CCDC50: variants seen among roughly 807,000 people sequenced by gnomAD.
The protein encoded by CCDC50 is coiled-coil domain containing 50, also known as coiled-coil domain-containing protein 50.
A neutral mutation model predicts 70.2 loss-of-function variants in CCDC50; 54 were observed. The observed-to-expected ratio is 0.77, with a 90% CI of 0.62 to 0.96. CCDC50 has a LOEUF of 0.96. Among genes scored for constraint, CCDC50 ranks in the 50% least tolerant of loss-of-function variants. The pLI is 0.00. For missense variants in CCDC50, 558 were observed against 578.7 expected (o/e 0.96, Z 0.37); for synonymous variants, 216 against 198.8 (o/e 1.09, Z -0.73).
At chr3:191,344,831 G>A (rs139827458) in intron 1 of CCDC50, among the ~76,000 whole-genome samples, 246 of 152,228 alleles carry the variant, frequency 1.6e-3, no homozygotes, top group African/African-American at 5.7e-3. Flanking sequence ...TGCCCACCTC[G>A]GCATCCCAAA....
At chr3:191,329,786 G>T (rs918643452) in intron 1 of CCDC50, 63 bp downstream of exon 1, 1 of 1,554,192 alleles carries the variant, frequency 6.4e-7, no homozygotes. Context: ...GTTCTCTCAG[G>T]TCAGGGGCGT....
At chr3:191,353,219 A>G (rs571058876) in intron 1 of CCDC50, among the ~76,000 whole-genome samples, 1 of 142,308 alleles carries the variant, frequency 7.0e-6, no homozygotes, top group African/African-American at 2.5e-5. Flanking sequence ...GGCAGAGGGG[A>G]GAGCCTACGG....
chr3:191,382,866 T>C (rs2108671091), intron 10 of CCDC50, 41 bp downstream of exon 10: 1 of 1,430,236 alleles, frequency 7.0e-7, no homozygotes, highest in Non-Finnish European at 9.9e-7. Flanking sequence ...AAGTTGACTT[T>C]GGGGTGAATA....
rs1713367021 is a variant in CCDC50, at chr3:191,382,828, A to G, written c.1322+3A>G. On this transcript the variant is annotated splice_donor_region_variant and intron_variant, in intron 10 of 11. Coordinates refer to ENST00000392455, the MANE Select transcript of CCDC50 (RefSeq NM_178335.3). ...TCTAAGAATGAAAGGCCAGCACGGTAAGCTGACACCTGAAAAGAAAAATGA... is the reference window on the plus strand; with the variant it reads ...TCTAAGAATGAAAGGCCAGCACGGTGAGCTGACACCTGAAAAGAAAAATGA... 6.2e-7 allele frequency: 1 copy of G among 1,605,606 alleles called. No homozygotes were observed. Among genetic ancestry groups the G allele is most frequent in the Non-Finnish European group, 8.5e-7 (1 of 1,172,660 alleles).
chr3:191,334,145 G>A (rs1718070392), intron 1 of CCDC50, among the ~76,000 whole-genome samples: 1 of 152,002 alleles, frequency 6.6e-6, no homozygotes, highest in African/African-American at 2.4e-5. Context: ...TATCTGCTGT[G>A]TGCCACATGT....
rs759254309 is a variant in CCDC50, at chr3:191,357,122, C to T, written c.84C>T (p.Thr28=). 6 of 1,613,656 alleles carry T rather than the reference C, an allele frequency of 3.7e-6. No individual in the cohort carries two copies. In the Admixed American group the frequency reaches 8.3e-5, roughly 22 times the overall value. The change falls in exon 2 of 12, where the codon ACC becomes ACT. Residue 28 remains threonine (T), a synonymous_variant. Transcript: ENST00000392455. The part of the protein sequence containing the change: ...CRDFAVLEDH[T]LAHSLQEQEI... ...ATTTTGCTGTCCTGGAGGACCACACCCTGGCTCACAGCCTGCAGGAACAAG... is the reference window on the plus strand; with the variant it reads ...ATTTTGCTGTCCTGGAGGACCACACTCTGGCTCACAGCCTGCAGGAACAAG...
At chr3:191,375,953 A>G (rs980310819) in intron 6 of CCDC50, among the ~76,000 whole-genome samples, 7 of 152,178 alleles carry the variant, frequency 4.6e-5, no homozygotes, top group African/African-American at 1.7e-4. Flanking sequence ...CAGTGAACCC[A>G]GAAGAGCTGA....
At chr3:191,364,570 T>A (rs1426711261) in intron 4 of CCDC50, among the ~76,000 whole-genome samples, 33 of 150,612 alleles carry the variant, frequency 2.2e-4, no homozygotes, top group Admixed American at 2.1e-3. Context: ...CTGAGAACCC[T>A]TTTCTCTTGG....
intron 5 of CCDC50, among the ~76,000 whole-genome samples, 184 bp from the exon 6 acceptor site, chr3:191,374,878 T>C (rs1713038872): frequency 6.6e-6 from 1 of 152,212 alleles, no homozygotes; most frequent in South Asian, 2.1e-4. Flanking sequence ...CAGAATTCTT[T>C]AGGTATGCAT....
At chr3:191,386,877 T>C (rs1214583563) in intron 10 of CCDC50, among the ~76,000 whole-genome samples, 2 of 152,230 alleles carry the variant, frequency 1.3e-5, no homozygotes, top group African/African-American at 4.8e-5. Context: ...TTCTAACTCT[T>C]GTAACTGGAA....
rs976409073 is a variant in CCDC50, at chr3:191,373,548, C to T, written c.449-1514C>T. Among the ~76,000 whole-genome samples the T allele has an allele frequency of 4.6e-5, 7 of 151,996 alleles. 1 individual carries two copies. The highest frequency in any genetic ancestry group is 1.3e-4 in the Admixed American group (2 of 15,234). On this transcript the variant is annotated intron_variant, in intron 5 of 11. Transcript: ENST00000392455. Reference sequence around the variant, plus strand: ...ATTAACACCGTAAACCATTGTTCCCCGGATGTGGTCATCATTTAAGTGGCT... The same window carrying T: ...ATTAACACCGTAAACCATTGTTCCCTGGATGTGGTCATCATTTAAGTGGCT...
chr3:191,340,081 C>A (rs181792883), intron 1 of CCDC50, among the ~76,000 whole-genome samples: 2 of 152,164 alleles, frequency 1.3e-5, no homozygotes, highest in African/African-American at 4.8e-5. Flanking sequence ...CTATCACTTA[C>A]ACTAAATCAA....
intron 9 of CCDC50, 102 bp from the exon 10 acceptor site, chr3:191,382,644 G>A: frequency 1.3e-6 from 1 of 762,964 alleles, no homozygotes; most frequent in Non-Finnish European, 2.3e-6. Context: ...GAAGAGCTTG[G>A]CATGATAAAC....
chr3:191,389,123 A>G (rs1331748056), intron 10 of CCDC50, among the ~76,000 whole-genome samples: 2 of 146,166 alleles, frequency 1.4e-5, no homozygotes, highest in African/African-American at 5.1e-5. Context: ...TGGCTTTATT[A>G]TTTTCTTCTT....
At chr3:191,377,390 G>A (rs749789703) in intron 6 of CCDC50, among the ~76,000 whole-genome samples, 2 of 152,156 alleles carry the variant, frequency 1.3e-5, no homozygotes, top group Admixed American at 6.6e-5. Flanking sequence ...TTGCAGAGCA[G>A]CATTAATAGA....
intron 2 of CCDC50, 129 bp downstream of exon 2, chr3:191,357,279 A>T (rs1298046152): frequency 1.3e-6 from 1 of 759,870 alleles, no homozygotes; most frequent in Non-Finnish European, 2.3e-6. Flanking sequence ...ATCCTGAAGG[A>T]TTTCTTTAGG....
At chr3:191,391,620 G>A in intron 11 of CCDC50, 121 bp from the exon 12 acceptor site, 1 of 867,132 alleles carries the variant, frequency 1.2e-6, no homozygotes, top group Non-Finnish European at 1.9e-6. Flanking sequence ...TCACAATCAA[G>A]AATAAAGTAC....
intron 10 of CCDC50, among the ~76,000 whole-genome samples, chr3:191,387,854 A>G (rs1024683514): frequency 6.6e-6 from 1 of 152,120 alleles, no homozygotes; most frequent in Non-Finnish European, 1.5e-5. Flanking sequence ...TGACATTAAT[A>G]AAAGAGAGAA....
chr3:191,397,426 A>C lies in CCDC50; in HGVS notation c.*5666A>C, dbSNP rs1050052898. Reference sequence around the variant, plus strand: ...GAAAGAGCTATATTTTTCTCTTCTTACAGGCAACCCAATATTTATTTCATA... The same window carrying C: ...GAAAGAGCTATATTTTTCTCTTCTTCCAGGCAACCCAATATTTATTTCATA... On this transcript the variant is annotated 3_prime_UTR_variant, in exon 12 of 12. Coordinates refer to ENST00000392455, the MANE Select transcript of CCDC50 (RefSeq NM_178335.3). 1 of 152,202 alleles carries C rather than the reference A, an allele frequency of 6.6e-6. No homozygotes were observed. The highest frequency in any genetic ancestry group is 2.4e-5 in the African/African-American group (1 of 41,448). 9.4% of individuals were successfully genotyped at this position (152,202 alleles called of 1,614,324 possible). A position where few individuals can be genotyped will look rare whatever the true frequency, so the allele number is the denominator to read the frequency against.
Sources: allele counts gnomAD v4.1 joint callset (sites outside exome capture counted in the v4.1 genomes callset), GRCh38; gene constraint gnomAD v4.1.1; transcripts MANE v1.5; gene names NCBI Gene and HGNC (gene_info 2026-07-23, HGNC 2026-07-21).